Variants in NFU1 observed in about 807,000 individuals in gnomAD.
NFU1 encodes NFU1 iron-sulfur cluster scaffold homolog, mitochondrial.
A neutral mutation model predicts 32.2 loss-of-function variants in NFU1; 30 were observed. The ratio of observed to expected loss-of-function variants is 0.93; its 90% CI spans 0.70 to 1.26. NFU1 has a LOEUF of 1.26. Among genes scored for constraint, NFU1 ranks in the 50% most tolerant of loss-of-function variants. NFU1 has a pLI of 0.00. For synonymous variants in NFU1, 112 were observed against 104.6 expected, an observed-to-expected ratio of 1.07 and a Z score of -0.43; for missense variants, 306 against 306.6, an observed-to-expected ratio of 1.00 and a Z score of 0.02.
chr2:69,398,726 A>AT (rs1270504810), intron 7 of NFU1, among the ~76,000 whole-genome samples: 1 of 152,182 alleles, frequency 6.6e-6, no homozygotes, highest in African/African-American at 2.4e-5. Flanking sequence ...CTGCCCGATA[A>AT]ATGGCTTCTG....
chr2:69,403,043 C>A (rs1041696862), intron 6 of NFU1, among the ~76,000 whole-genome samples: 1 of 145,296 alleles, frequency 6.9e-6, no homozygotes, highest in African/African-American at 2.5e-5. Flanking sequence ...CTCTTTCTTT[C>A]TCTTTCTCTC....
At chr2:69,418,364 C>T (rs1301024619) in intron 4 of NFU1, among the ~76,000 whole-genome samples, 1 of 150,368 alleles carries the variant, frequency 6.7e-6, no homozygotes, top group Non-Finnish European at 1.5e-5. Context: ...CATGCCACTG[C>T]ACTCTGACCT....
intron 2 of NFU1, among the ~76,000 whole-genome samples, chr2:69,429,633 C>T (rs1333179671): frequency 2.0e-5 from 3 of 152,140 alleles, no homozygotes; most frequent in African/African-American, 7.2e-5. Flanking sequence ...TAAAAAGTCA[C>T]TTAAGAGCAT....
In NFU1 at chr2:69,409,325, G is replaced by T. The variant is rs561997937; in HGVS notation, c.485-3243C>A. Among the ~76,000 whole-genome samples the T allele has an allele frequency of 4.0e-5, 6 of 151,886 alleles. No homozygotes were observed. In the South Asian group the frequency reaches 1.3e-3, roughly 32 times the overall value. On this transcript the variant is annotated intron_variant, in intron 5 of 7. Transcript: ENST00000410022. The stretch of plus-strand genomic sequence containing the variant: ...TTTTACTTAATATTTTCTTTTTTAT[G>T]TTTCTATGTTGGTATCTCCCAATCT...
upstream of NFU1, among the ~76,000 whole-genome samples, chr2:69,439,161 T>C (rs984133975): frequency 6.6e-6 from 1 of 152,114 alleles, no homozygotes; most frequent in African/African-American, 2.4e-5. Flanking sequence ...AGTTTTTCAC[T>C]TCCCACTCCT....
At chr2:69,412,080 C>A (rs1672900581) in intron 5 of NFU1, among the ~76,000 whole-genome samples, 2 of 152,080 alleles carry the variant, frequency 1.3e-5, no homozygotes, top group Non-Finnish European at 2.9e-5. Context: ...GGGACGGAGT[C>A]TCGCTCTGTC....
chr2:69,408,119 C>T (rs1238415752), intron 5 of NFU1, among the ~76,000 whole-genome samples: 1 of 152,052 alleles, frequency 6.6e-6, no homozygotes, highest in African/African-American at 2.4e-5. Context: ...TCTACTTCCC[C>T]ACCATCCCTT....
At chr2:69,420,048 C>T (rs1014648056) in intron 3 of NFU1, among the ~76,000 whole-genome samples, 3 of 152,016 alleles carry the variant, frequency 2.0e-5, no homozygotes, top group Non-Finnish European at 4.4e-5. Context: ...CTCTGTCCCC[C>T]AGGCTGGAGT....
At chr2:69,411,313 T>TA (rs1308770263) in intron 5 of NFU1, among the ~76,000 whole-genome samples, 5 of 152,116 alleles carry the variant, frequency 3.3e-5, no homozygotes, top group Admixed American at 6.6e-5. Context: ...CAACAACAAA[T>TA]ACAACAGTAT....
chr2:69,410,567 T>C (rs954202413), intron 5 of NFU1, among the ~76,000 whole-genome samples: 1 of 152,190 alleles, frequency 6.6e-6, no homozygotes, highest in Non-Finnish European at 1.5e-5. Context: ...TGGTAACAGT[T>C]CCTATCTGAT....
intron 7 of NFU1, among the ~76,000 whole-genome samples, chr2:69,396,662 AT>A (rs1410999370): frequency 2.0e-5 from 3 of 152,180 alleles, no homozygotes; most frequent in Admixed American, 6.5e-5. Flanking sequence ...CAAAAAAAAA[AT>A]AAAATAAAAT....
In NFU1 at chr2:69,400,464, T is replaced by C; in HGVS notation, c.620A>G (p.Gln207Arg). 1.9e-6 allele frequency: 3 copies of C among 1,614,144 alleles called. No homozygotes were observed. Reference sequence around the variant, plus strand: ...ACTAGGGCAGCTGGTACAAGAACCCTGGAGTTTCAGCTGTACAATGCCATC... The same window carrying C: ...ACTAGGGCAGCTGGTACAAGAACCCCGGAGTTTCAGCTGTACAATGCCATC... ...FEDGIVQLKL[Q>R]GSCTSCPSSI... Residue 207 changes from glutamine to arginine, a missense_variant, in exon 7 of 8, where the codon CAG (glutamine) becomes CGG (arginine). Physicochemically the swap from Gln to Arg is conservative, Grantham distance 43 (BLOSUM62 1). Transcript: ENST00000410022.
chr2:69,438,995 C>T (rs558290299), upstream of NFU1, among the ~76,000 whole-genome samples: 494 of 151,364 alleles, frequency 3.3e-3, 3 homozygotes, highest in African/African-American at 9.5e-3. Context: ...GCTCTTCCAC[C>T]TTGGAACAAT....
chr2:69,435,181 G>T (rs1382278548), intron 1 of NFU1, among the ~76,000 whole-genome samples: 1 of 152,086 alleles, frequency 6.6e-6, no homozygotes, highest in Non-Finnish European at 1.5e-5. Flanking sequence ...TTTAATTTTG[G>T]GAAAGGGCTA....
intron 2 of NFU1, among the ~76,000 whole-genome samples, chr2:69,427,362 G>GTGACAGAGTGACACTCAGT (rs1673495163): frequency 6.8e-6 from 1 of 146,066 alleles, no homozygotes. Flanking sequence ...TCCAGCCTGG[G>GTGACAGAGTGACACTCAGT]CAAAAAGAGC....
intron 5 of NFU1, among the ~76,000 whole-genome samples, chr2:69,410,399 C>CA (rs998790973): frequency 2.0e-5 from 3 of 151,916 alleles, no homozygotes; most frequent in South Asian, 2.1e-4. Context: ...AAAAAAAACC[C>CA]AAAAAACAGA....
chr2:69,437,233 A>C, intron 1 of NFU1, 128 bp downstream of exon 1: 2 of 1,477,780 alleles, frequency 1.4e-6, no homozygotes, highest in South Asian at 2.7e-5. Context: ...CTACGGCGAC[A>C]GGGCGGACCC....
upstream of NFU1, among the ~76,000 whole-genome samples, chr2:69,438,981 T>G (rs529018833): frequency 1.2e-3 from 177 of 149,364 alleles, no homozygotes; most frequent in Non-Finnish European, 2.1e-3. Context: ...AAAAATAAAA[T>G]GTGGCTCTTC....
intron 6 of NFU1, among the ~76,000 whole-genome samples, chr2:69,402,853 G>C (rs1212649498): frequency 6.6e-6 from 1 of 151,760 alleles, no homozygotes; most frequent in Non-Finnish European, 1.5e-5. Flanking sequence ...AAAGTGCTGG[G>C]ATTACAGGTG....
Sources: allele counts gnomAD v4.1 joint callset (sites outside exome capture counted in the v4.1 genomes callset), GRCh38; gene constraint gnomAD v4.1.1; transcripts MANE v1.5; gene names NCBI Gene and HGNC (gene_info 2026-07-23, HGNC 2026-07-21).